The following HEPHL1 variants were observed in gnomAD, a reference collection of about 807,000 sequenced individuals.
HEPHL1 encodes the protein ferroxidase HEPHL1.
A neutral mutation model predicts 122.0 loss-of-function variants in HEPHL1; 123 were observed. That is an observed-to-expected ratio of 1.01 (90% CI 0.87 to 1.17). The LOEUF (loss-of-function observed/expected upper bound fraction) is 1.17. Among genes scored for constraint, HEPHL1 ranks in the 50% most tolerant of loss-of-function variants. The pLI, the probability that HEPHL1 is intolerant of heterozygous loss-of-function variation, is 0.00. For missense variants in HEPHL1, 1,452 were observed against 1,430.5 expected (o/e 1.01, Z -0.24); for synonymous variants, 527 against 508.9 (o/e 1.04, Z -0.48).
intron 13 of HEPHL1, among the ~76,000 whole-genome samples, chr11:94,098,207 C>T (rs1946335468): frequency 6.6e-6 from 1 of 152,144 alleles, no homozygotes; most frequent in South Asian, 2.1e-4. Flanking sequence ...GTAATGCAGG[C>T]CTGGTGGTGA....
chr11:94,049,935 C>T (rs1945875793), intron 2 of HEPHL1, among the ~76,000 whole-genome samples: 1 of 152,078 alleles, frequency 6.6e-6, no homozygotes, highest in Admixed American at 6.5e-5. Flanking sequence ...TAGGAAAATT[C>T]CATGTGCATT....
At chr11:94,040,360 TA>T (rs1448848801) in intron 1 of HEPHL1, among the ~76,000 whole-genome samples, 1 of 21,648 alleles carries the variant, frequency 4.6e-5, no homozygotes, top group Middle Eastern at 0.01. Flanking sequence ...GAATCCTCCC[TA>T]ACTCATTTTA....
At chr11:94,054,794 C>T (rs1378899628) in intron 2 of HEPHL1, among the ~76,000 whole-genome samples, 1 of 152,170 alleles carries the variant, frequency 6.6e-6, no homozygotes, top group Non-Finnish European at 1.5e-5. Context: ...TGCATAGGCA[C>T]TTGGGAATTT....
intron 2 of HEPHL1, among the ~76,000 whole-genome samples, chr11:94,053,735 A>T (rs1565349944): frequency 6.6e-6 from 1 of 152,124 alleles, no homozygotes; most frequent in Non-Finnish European, 1.5e-5. Context: ...GAAGTGTATC[A>T]TTTTATTTCC....
chr11:94,027,246 AG>A (rs1200415134), intron 1 of HEPHL1, among the ~76,000 whole-genome samples: 1 of 152,182 alleles, frequency 6.6e-6, no homozygotes, highest in Non-Finnish European at 1.5e-5. Flanking sequence ...CAGCTAATCC[AG>A]GATGATCTCC....
chr11:94,077,748 A>C (rs2134436607), intron 9 of HEPHL1, among the ~76,000 whole-genome samples: 1 of 152,316 alleles, frequency 6.6e-6, no homozygotes. Flanking sequence ...TTGTTCCCAC[A>C]AGTGGGCACC....
chr11:94,067,715 G>A lies in HEPHL1; in HGVS notation c.1028G>A (p.Trp343Ter). ...ATGATAGCCGAGAATCCTGGGAAGT[G>A]GATGATAACCTGCCAGGTCAGCGAC... is the stretch of plus-strand genomic sequence containing the variant. Reference protein sequence around the residue: ...TEMIAENPGKWMITCQVSDHL... With the variant: ...TEMIAENPGK The change falls in exon 5 of 20, where the codon TGG becomes TAG. Residue 343 changes from tryptophan to a stop codon, truncating the protein, a stop_gained. Transcript: ENST00000315765. LOFTEE classifies it high-confidence loss of function. 1.9e-6 allele frequency: 3 copies of A among 1,613,656 alleles called. No individual in the cohort carries two copies. Among genetic ancestry groups the A allele is most frequent in the Non-Finnish European group, 2.5e-6 (3 of 1,179,712 alleles).
At chr11:94,044,163 A>C (rs1284865558) in intron 1 of HEPHL1, among the ~76,000 whole-genome samples, 2 of 152,020 alleles carry the variant, frequency 1.3e-5, no homozygotes, top group African/African-American at 4.8e-5. Context: ...TCACCTCTCC[A>C]GGAGAAGATT....
At chr11:94,110,301 G>A (rs977006780) in intron 17 of HEPHL1, among the ~76,000 whole-genome samples, 21 of 152,116 alleles carry the variant, frequency 1.4e-4, no homozygotes, top group African/African-American at 5.1e-4. Context: ...TCAGGAATTT[G>A]GGATTAGTTT....
chr11:94,050,282 A>G (rs1008058045), intron 2 of HEPHL1, among the ~76,000 whole-genome samples: 1 of 152,142 alleles, frequency 6.6e-6, no homozygotes, highest in African/African-American at 2.4e-5. Context: ...ATTGTGAATG[A>G]AGAGAGTTTT....
At chr11:94,024,586 C>T (rs1591457520) in intron 1 of HEPHL1, among the ~76,000 whole-genome samples, 1 of 151,960 alleles carries the variant, frequency 6.6e-6, no homozygotes, top group East Asian at 1.9e-4. Flanking sequence ...TCCATTTTTT[C>T]CCCTGTCCTT....
In HEPHL1 at chr11:94,086,108, C is replaced by T; in HGVS notation, c.1999C>T (p.His667Tyr). The part of the protein sequence containing the change: ...HGIVFQGNTI[H>Y]LRGTHRDSLA... The stretch of plus-strand genomic sequence containing the variant: ...AATTGTTTTTCAAGGGAACACCATC[C>T]ACCTACGAGGGACTCACCGAGACTC... The change falls in exon 11 of 20, where the codon CAC becomes TAC. Residue 667 changes from histidine (H) to tyrosine (Y), a missense_variant. Physicochemically the swap from His to Tyr is moderately conservative, Grantham distance 83 (BLOSUM62 2). Transcript: ENST00000315765. The T allele has an allele frequency of 6.2e-7, 1 of 1,613,526 alleles. No homozygotes were observed. Among genetic ancestry groups the T allele is most frequent in the Non-Finnish European group, 8.5e-7 (1 of 1,179,776 alleles).
chr11:94,079,724 G>C (rs1267646499), intron 9 of HEPHL1, among the ~76,000 whole-genome samples: 1 of 152,172 alleles, frequency 6.6e-6, no homozygotes, highest in African/African-American at 2.4e-5. Context: ...AAAGAGTCAA[G>C]AGATGAGGCT....
At chr11:94,038,278 C>G (rs971471591) in intron 1 of HEPHL1, among the ~76,000 whole-genome samples, 1 of 147,448 alleles carries the variant, frequency 6.8e-6, no homozygotes, top group Non-Finnish European at 1.5e-5. Flanking sequence ...AGAATGGAAC[C>G]AAGTTGGAAA....
intron 17 of HEPHL1, 66 bp from the exon 18 acceptor site, chr11:94,110,837 C>T: frequency 3.8e-6 from 5 of 1,326,350 alleles, no homozygotes; most frequent in South Asian, 2.9e-5. Context: ...TTTTGCTCTT[C>T]TTTCTGTTCT....
intron 18 of HEPHL1, 21 bp from the exon 19 acceptor site, chr11:94,111,516 G>GA: frequency 1.3e-6 from 2 of 1,563,664 alleles, no homozygotes; most frequent in Non-Finnish European, 1.7e-6. Context: ...ATAAAACAAT[G>GA]AACTTGTTTT....
Position 94,047,050 on chromosome 11 carries a change from T to C in HEPHL1, c.415+1133T>C, listed in dbSNP as rs12804942. On this transcript the variant is annotated intron_variant, in intron 2 of 19. Coordinates refer to ENST00000315765, the MANE Select transcript of HEPHL1 (RefSeq NM_001098672.2). ...CAGCGAGAGGAGAGAACTCTGATGG[T>C]GAACACACAACTGGGATTGCCCTTT... Among the ~76,000 whole-genome samples, 374 of 152,332 alleles carry C rather than the reference T, an allele frequency of 2.5e-3. 4 individuals carry two copies. Among genetic ancestry groups the C allele is most frequent in the South Asian group, 0.021 (101 of 4,826 alleles).
At chr11:94,106,990 G>A (rs1387170938) in intron 17 of HEPHL1, among the ~76,000 whole-genome samples, 2 of 152,154 alleles carry the variant, frequency 1.3e-5, no homozygotes, top group Non-Finnish European at 2.9e-5. Flanking sequence ...GTACAGCAGA[G>A]CCATCTGGGG....
intron 12 of HEPHL1, among the ~76,000 whole-genome samples, chr11:94,090,982 G>C (rs540941120): frequency 1.3e-5 from 2 of 152,334 alleles, no homozygotes; most frequent in East Asian, 3.9e-4. Context: ...AGTTTATGCA[G>C]TGGGAGGAAA....
Sources: gnomAD v4.1 joint callset for allele counts (sites outside exome capture counted in the v4.1 genomes callset) on GRCh38, gnomAD v4.1.1 for gene constraint, MANE v1.5 for transcripts, NCBI Gene and HGNC (gene_info 2026-07-23, HGNC 2026-07-21) for gene names.